The following DOK6 variants were observed in gnomAD, a reference collection of about 807,000 sequenced individuals.
DOK6 encodes the protein docking protein 6.
In DOK6, 22 loss-of-function variants were observed where a neutral mutation model predicts 44.0. The ratio of observed to expected loss-of-function variants is 0.50; its 90% CI spans 0.36 to 0.71. DOK6 has a LOEUF of 0.71. Ranked by LOEUF, DOK6 falls within the 30% of genes least tolerant of loss-of-function variation. The pLI, the probability that DOK6 is intolerant of heterozygous loss-of-function variation, is 0.00. For synonymous variants in DOK6, 166 were observed against 145.5 expected (o/e 1.14, Z -1.01); for missense variants, 340 against 416.4 (o/e 0.82, Z 1.60).
At chr18:69,533,268 T>C (rs1035254673) in intron 1 of DOK6, among the ~76,000 whole-genome samples, 2 of 152,154 alleles carry the variant, frequency 1.3e-5, no homozygotes, top group African/African-American at 4.8e-5. Context: ...ATAACATAAC[T>C]CCAGTATTAA....
intron 7 of DOK6, among the ~76,000 whole-genome samples, chr18:69,775,070 C>T (rs575684422): frequency 1.1e-4 from 17 of 151,486 alleles, no homozygotes; most frequent in Admixed American, 9.2e-4. Flanking sequence ...CCCTCGTTGG[C>T]CAAGAATTTT....
At chr18:69,754,867 T>C (rs1979304440) in intron 6 of DOK6, among the ~76,000 whole-genome samples, 1 of 152,196 alleles carries the variant, frequency 6.6e-6, no homozygotes, top group African/African-American at 2.4e-5. Flanking sequence ...TTTTAACATA[T>C]GAATTTGTGG....
chr18:69,416,866 G>A (rs1978354754), intron 1 of DOK6, among the ~76,000 whole-genome samples: 1 of 152,000 alleles, frequency 6.6e-6, no homozygotes, highest in African/African-American at 2.4e-5. Flanking sequence ...TTTCCTTCTT[G>A]CATGTTTGTC....
chr18:69,693,731 TCA>T (rs1157839074), intron 4 of DOK6, among the ~76,000 whole-genome samples: 8 of 152,224 alleles, frequency 5.3e-5, no homozygotes, highest in African/African-American at 1.9e-4. Flanking sequence ...AGTCTCAGAC[TCA>T]CAGCTATACT....
intron 1 of DOK6, among the ~76,000 whole-genome samples, chr18:69,435,380 A>G (rs1978947913): frequency 6.6e-6 from 1 of 152,226 alleles, no homozygotes; most frequent in African/African-American, 2.4e-5. Flanking sequence ...CAGATAAAAT[A>G]TGGGTCTTTC....
At position 69,433,068 on chromosome 18, in the gene DOK6, G is replaced by A. The variant is rs200187514; in HGVS notation, c.66+31758G>A. 2.6e-5 allele frequency among the ~76,000 whole-genome samples: 4 copies of A among 152,248 alleles called. No homozygotes were observed. In the East Asian group the frequency reaches 5.8e-4, roughly 22 times the overall value. ...GAAGTGGAGGTTTGTGAAAACTGTG[G>A]TATAGCTAGAAACAGAAGCTCTCTT... On this transcript the variant is annotated intron_variant, in intron 1 of 7. Coordinates refer to ENST00000382713, the MANE Select transcript of DOK6 (RefSeq NM_152721.6).
chr18:69,811,386 T>C (rs775511409), intron 7 of DOK6, among the ~76,000 whole-genome samples: 2 of 151,694 alleles, frequency 1.3e-5, no homozygotes, highest in African/African-American at 2.4e-5. Context: ...AGAGATCTAT[T>C]GTACAACATG....
chr18:69,797,946 G>A (rs1179384029), intron 7 of DOK6, among the ~76,000 whole-genome samples: 2 of 152,020 alleles, frequency 1.3e-5, no homozygotes, highest in African/African-American at 4.8e-5. Context: ...AAAGAATCTA[G>A]AACTACCAAT....
At chr18:69,418,605 G>C (rs1248679123) in intron 1 of DOK6, among the ~76,000 whole-genome samples, 1 of 151,972 alleles carries the variant, frequency 6.6e-6, no homozygotes. Flanking sequence ...GGGACTACAG[G>C]CACGTGCCAC....
intron 4 of DOK6, among the ~76,000 whole-genome samples, chr18:69,687,229 T>A (rs796161031): frequency 6.6e-6 from 1 of 152,336 alleles, no homozygotes; most frequent in South Asian, 2.1e-4. Flanking sequence ...TGACCAATGT[T>A]GGCGTAGCCC....
intron 4 of DOK6, among the ~76,000 whole-genome samples, chr18:69,689,602 T>G (rs1159888343): frequency 1.3e-5 from 2 of 152,182 alleles, no homozygotes; most frequent in African/African-American, 2.4e-5. Flanking sequence ...CAATGTGTGA[T>G]TCTTATAAGA....
At chr18:69,443,350 A>C (rs1399938481) in intron 1 of DOK6, among the ~76,000 whole-genome samples, 1 of 152,174 alleles carries the variant, frequency 6.6e-6, no homozygotes, top group Non-Finnish European at 1.5e-5. Context: ...TGTGTGGAGC[A>C]AGACCATCTC....
rs537425849 is a variant in DOK6 at position 69,847,769 on chromosome 18, A to ATATAT, written c.*6386_*6387insTATAT. ...AAATAATGCTTACTCTTGTAAAAAA[A>ATATAT]AAAAATATATATATATGTATCAGCA... On this transcript the variant is annotated 3_prime_UTR_variant, in exon 8 of 8. Transcript: ENST00000382713. 1 of 40,358 alleles carries ATATAT rather than the reference A, an allele frequency of 2.5e-5. No individual in the cohort carries two copies. Among genetic ancestry groups the ATATAT allele is most frequent in the East Asian group, 2.5e-3 (1 of 402 alleles). 2.5% of individuals were successfully genotyped at this position (40,358 alleles called of 1,614,324 possible).
rs575752152 is a variant in DOK6 at position 69,550,084 on chromosome 18, A to C, written c.67-14403A>C. ...AATATTAGAACATAGCCAATCCAAA[A>C]TTTTACAAACATTTTTGACAAAAAA... On this transcript the variant is annotated intron_variant, in intron 1 of 7. Transcript: ENST00000382713. 2.6e-5 allele frequency among the ~76,000 whole-genome samples: 4 copies of C among 151,258 alleles called. 1 individual carries two copies. The highest frequency in any genetic ancestry group is 5.9e-5 in the Non-Finnish European group (4 of 67,630).
intron 2 of DOK6, among the ~76,000 whole-genome samples, chr18:69,592,482 T>C (rs1983645288): frequency 6.6e-6 from 1 of 152,156 alleles, no homozygotes. Flanking sequence ...TGCTTAGGGA[T>C]TTCTCTTTAA....
intron 5 of DOK6, among the ~76,000 whole-genome samples, chr18:69,717,406 G>A (rs574585462): frequency 1.3e-5 from 2 of 152,268 alleles, no homozygotes; most frequent in Admixed American, 6.5e-5. Context: ...TACTTAATAA[G>A]TGCTTATAAA....
chr18:69,505,569 C>G (rs1981162253), intron 1 of DOK6, among the ~76,000 whole-genome samples: 1 of 140,682 alleles, frequency 7.1e-6, no homozygotes, highest in Admixed American at 7.7e-5. Flanking sequence ...GTAATCTCGG[C>G]TCACTGCAAC....
chr18:69,578,492 A>G (rs1983289597), intron 2 of DOK6, among the ~76,000 whole-genome samples: 1 of 152,234 alleles, frequency 6.6e-6, no homozygotes, highest in African/African-American at 2.4e-5. Flanking sequence ...GTCATTCTAC[A>G]TGGGAAATCA....
chr18:69,527,902 C>A (rs1981874732), intron 1 of DOK6, among the ~76,000 whole-genome samples: 1 of 152,056 alleles, frequency 6.6e-6, no homozygotes, highest in South Asian at 2.1e-4. Flanking sequence ...GTGGCTCACA[C>A]CTGTAATCCC....
Sources: allele counts gnomAD v4.1 joint callset (sites outside exome capture counted in the v4.1 genomes callset), GRCh38; gene constraint gnomAD v4.1.1; transcripts MANE v1.5; gene names NCBI Gene and HGNC (gene_info 2026-07-23, HGNC 2026-07-21).